Variants in YES1 observed in about 807,000 individuals in gnomAD.
The protein encoded by YES1 is tyrosine-protein kinase Yes.
Under a neutral mutation model 70.4 loss-of-function variants are expected in YES1, and 39 were observed. That is an observed-to-expected ratio of 0.55 (90% CI 0.43 to 0.72). YES1 has a LOEUF of 0.72. Ranked by LOEUF, YES1 falls within the 30% of genes least tolerant of loss-of-function variation. The probability of loss-of-function intolerance (pLI) is 0.00; values close to 1 mark genes in which losing one functional copy is unlikely to be tolerated. For synonymous variants in YES1, 198 were observed against 218.6 expected (o/e 0.91, Z 0.83); for missense variants, 495 against 644.8 (o/e 0.77, Z 2.52).
intron 3 of YES1, among the ~76,000 whole-genome samples, chr18:750,088 ACTGT>A (rs2080326548): frequency 6.6e-6 from 1 of 152,234 alleles, no homozygotes; most frequent in Non-Finnish European, 1.5e-5. Context: ...CTGAAAAGGC[ACTGT>A]CTAAATTAAA....
chr18:773,599 T>C (rs1204261243), intron 1 of YES1, among the ~76,000 whole-genome samples: 1 of 152,192 alleles, frequency 6.6e-6, no homozygotes, highest in Non-Finnish European at 1.5e-5. Flanking sequence ...GTATTTAAGA[T>C]GGTCAGGCAT....
intron 1 of YES1, among the ~76,000 whole-genome samples, chr18:765,399 CTTTTT>C (rs1160937016): frequency 7.3e-5 from 9 of 123,478 alleles, no homozygotes; most frequent in Admixed American, 6.6e-4. Flanking sequence ...TAATTTAACA[CTTTTT>C]TTTTTTTTTT....
At chr18:809,639 G>A (rs1052199950) in intron 1 of YES1, among the ~76,000 whole-genome samples, 1 of 152,082 alleles carries the variant, frequency 6.6e-6, no homozygotes, top group African/African-American at 2.4e-5. Context: ...GCTGGTATAT[G>A]ACAATTATGA....
chr18:784,191 ATAAT>A (rs1407349394), intron 1 of YES1, among the ~76,000 whole-genome samples: 9 of 152,228 alleles, frequency 5.9e-5, no homozygotes, highest in Non-Finnish European at 7.3e-5. Flanking sequence ...ATTAAGATGA[ATAAT>A]TATTGTTTTC....
chr18:745,938 A>G lies in YES1; in HGVS notation c.574+10T>C, dbSNP rs2080275981. The G allele has an allele frequency of 1.1e-5, 17 of 1,606,500 alleles. No individual in the cohort carries two copies. Among genetic ancestry groups the G allele is most frequent in the Non-Finnish European group, 1.4e-5 (17 of 1,175,708 alleles). ...ATTTTATACTTATACTAATATAACA[A>G]TATTCATACCTTTAGTTGTTTCACT... On this transcript the variant is annotated intron_variant, in intron 5 of 11. Coordinates refer to ENST00000314574, the MANE Select transcript of YES1 (RefSeq NM_005433.4).
intron 11 of YES1, among the ~76,000 whole-genome samples, chr18:729,458 C>CTT (rs148415047): frequency 5.4e-5 from 8 of 147,046 alleles, no homozygotes; most frequent in South Asian, 2.2e-4. Context: ...CCATTTGATT[C>CTT]TTTTTTTTTT....
intron 1 of YES1, among the ~76,000 whole-genome samples, chr18:792,362 A>G (rs1317077315): frequency 6.6e-6 from 1 of 152,082 alleles, no homozygotes; most frequent in African/African-American, 2.4e-5. Context: ...ATTTGGGTTA[A>G]AAAAATAAAA....
At chr18:750,025 T>C (rs1364632601) in intron 3 of YES1, among the ~76,000 whole-genome samples, 6 of 152,324 alleles carry the variant, frequency 3.9e-5, no homozygotes, top group African/African-American at 7.2e-5. Context: ...AAGATAGATA[T>C]GGGATTTGTT....
chr18:782,416 T>C (rs865990786), intron 1 of YES1, among the ~76,000 whole-genome samples: 8 of 152,170 alleles, frequency 5.3e-5, no homozygotes, highest in Admixed American at 4.6e-4. Flanking sequence ...TGATGGAACA[T>C]GGCAGATCCC....
At chr18:745,882 C>T in intron 5 of YES1, 25 bp from the exon 6 acceptor site, 1 of 1,607,886 alleles carries the variant, frequency 6.2e-7, no homozygotes, top group Non-Finnish European at 8.5e-7. Flanking sequence ...AATACTTTCA[C>T]TATATCTTTC....
intron 3 of YES1, among the ~76,000 whole-genome samples, chr18:751,200 G>A (rs1221095686): frequency 6.6e-6 from 1 of 152,044 alleles, no homozygotes; most frequent in Non-Finnish European, 1.5e-5. Context: ...GAAATTATTC[G>A]ATCTACTTTC....
chr18:768,772 G>A (rs536490521), intron 1 of YES1, among the ~76,000 whole-genome samples: 1 of 151,452 alleles, frequency 6.6e-6, no homozygotes, highest in Admixed American at 6.6e-5. Context: ...GTGTGATCTC[G>A]GCTCACTGCA....
chr18:788,798 C>A (rs775975076), intron 1 of YES1, among the ~76,000 whole-genome samples: 1 of 152,140 alleles, frequency 6.6e-6, no homozygotes, highest in Non-Finnish European at 1.5e-5. Context: ...TGGTGGTGTG[C>A]GCCTGTAGTG....
At chr18:734,984 C>A (rs1598890849) in intron 10 of YES1, among the ~76,000 whole-genome samples, 1 of 151,880 alleles carries the variant, frequency 6.6e-6, no homozygotes, top group Non-Finnish European at 1.5e-5. Flanking sequence ...ATGGTGAAAC[C>A]GTGTCTCTAC....
In YES1 at chr18:756,850, A is replaced by T; in HGVS notation, c.-8-15T>A. 1 of 1,602,196 alleles carries T rather than the reference A, an allele frequency of 6.2e-7. No individual in the cohort carries two copies. The highest frequency in any genetic ancestry group is 8.5e-7 in the Non-Finnish European group (1 of 1,173,646). On this transcript the variant is annotated splice_polypyrimidine_tract_variant and intron_variant, in intron 1 of 11. Transcript: ENST00000314574. ...CATTATCAAATCTACAGAGACAATAAAATATTTTGAGAGTCAGTTAACACA... is the reference window on the plus strand; with the variant it reads ...CATTATCAAATCTACAGAGACAATATAATATTTTGAGAGTCAGTTAACACA...
intron 1 of YES1, among the ~76,000 whole-genome samples, chr18:771,046 C>T (rs12955644): frequency 6.6e-6 from 1 of 151,306 alleles, no homozygotes; most frequent in African/African-American, 2.4e-5. Flanking sequence ...CCTAGAAAAA[C>T]ATTTCATTCC....
chr18:743,901 G>A (rs1294283838), intron 6 of YES1, among the ~76,000 whole-genome samples: 1 of 143,868 alleles, frequency 7.0e-6, no homozygotes, highest in Non-Finnish European at 1.5e-5. Flanking sequence ...GTGAGATTCT[G>A]ACTCGAAAAA....
intron 1 of YES1, among the ~76,000 whole-genome samples, chr18:804,265 T>C (rs80144518): frequency 6.6e-6 from 1 of 152,214 alleles, no homozygotes; most frequent in South Asian, 2.1e-4. Flanking sequence ...ACTGACATCA[T>C]AACTATCCAC....
chr18:808,740 T>C lies in YES1; in HGVS notation c.-9+3374A>G, dbSNP rs556103952. On this transcript the variant is annotated intron_variant, in intron 1 of 11. Coordinates refer to ENST00000314574, the MANE Select transcript of YES1 (RefSeq NM_005433.4). Reference sequence around the variant, plus strand: ...TCTACAACAATGCAAAGCCACAATATCAACCACTAAAATAGCAAGCCATTA... The same window carrying C: ...TCTACAACAATGCAAAGCCACAATACCAACCACTAAAATAGCAAGCCATTA... 1.6e-4 allele frequency among the ~76,000 whole-genome samples: 25 copies of C among 152,296 alleles called. No individual in the cohort carries two copies. The East Asian group carries it at 4.1e-3, about 25-fold the overall frequency.
Sources: allele counts gnomAD v4.1 joint callset (sites outside exome capture counted in the v4.1 genomes callset), GRCh38; gene constraint gnomAD v4.1.1; transcripts MANE v1.5; gene names NCBI Gene and HGNC (gene_info 2026-07-23, HGNC 2026-07-21).